FRMD6: variants seen among roughly 807,000 people sequenced by gnomAD.
FRMD6 encodes the protein FERM domain-containing protein 6.
Under a neutral mutation model 73.2 loss-of-function variants are expected in FRMD6, and 37 were observed. That is an observed-to-expected ratio of 0.51 (90% CI 0.39 to 0.66). FRMD6 has a LOEUF of 0.66. FRMD6 is among the 30% of genes least tolerant of loss of function. The pLI, the probability that FRMD6 is intolerant of heterozygous loss-of-function variation, is 0.00. For missense variants in FRMD6, 714 were observed against 780.5 expected, an observed-to-expected ratio of 0.91 and a Z score of 1.02; for synonymous variants, 273 against 282.2, an observed-to-expected ratio of 0.97 and a Z score of 0.33.
intron 1 of FRMD6, among the ~76,000 whole-genome samples, chr14:51,508,140 G>A (rs1399967245): frequency 6.6e-6 from 1 of 152,140 alleles, no homozygotes; most frequent in South Asian, 2.1e-4. Flanking sequence ...CGGGCAATGA[G>A]CACCCCCCAG....
the FRMD6 span, among the ~76,000 whole-genome samples, chr14:51,434,248 T>C: frequency 6.6e-6 from 1 of 152,170 alleles, no homozygotes; most frequent in East Asian, 1.9e-4. Context: ...ATATTTTCTA[T>C]ACCTCATGAC....
In FRMD6 at chr14:51,665,701, C is replaced by T. The variant is rs185051980; in HGVS notation, c.-147+13705C>T. 9.1e-4 allele frequency among the ~76,000 whole-genome samples: 139 copies of T among 152,324 alleles called. No individual in the cohort carries two copies. In the Middle Eastern group the frequency reaches 0.017, roughly 19 times the overall value. ...TTTGGCTGCGTCCCCACCCAAATCT[C>T]ATCTTGAATTTAACTCCAAGAATTC... On this transcript the variant is annotated intron_variant, in intron 1 of 13. Coordinates refer to ENST00000344768, the MANE Select transcript of FRMD6 (RefSeq NM_001267046.2).
intron 1 of FRMD6, among the ~76,000 whole-genome samples, chr14:51,524,938 G>A (rs77364593): frequency 0.036 from 5,252 of 144,650 alleles, 125 homozygotes; most frequent in Admixed American, 0.086. Flanking sequence ...ATTTAACTTT[G>A]TGCAGAAAGA....
chr14:51,685,484 C>T (rs1464216739), intron 1 of FRMD6, among the ~76,000 whole-genome samples: 1 of 152,124 alleles, frequency 6.6e-6, no homozygotes, highest in Non-Finnish European at 1.5e-5. Flanking sequence ...TCAGCACATA[C>T]AGCAACATTT....
intron 1 of FRMD6, among the ~76,000 whole-genome samples, chr14:51,490,122 A>C (rs1596485582): frequency 6.6e-6 from 1 of 152,238 alleles, no homozygotes; most frequent in Admixed American, 6.5e-5. Flanking sequence ...CCAGATCCCA[A>C]GTGTTGTAAA....
chr14:51,437,691 G>A, the FRMD6 span, among the ~76,000 whole-genome samples: 1 of 151,828 alleles, frequency 6.6e-6, no homozygotes, highest in African/African-American at 2.4e-5. Flanking sequence ...GTGCTCAGTC[G>A]CCCTGTTCTT....
intron 2 of FRMD6, chr14:51,599,928 G>C (rs1238964215): frequency 6.7e-6 from 1 of 149,310 alleles, no homozygotes; most frequent in Non-Finnish European, 1.5e-5. Context: ...TCTGGACGGG[G>C]AGCCAGGAGT....
At chr14:51,517,614 T>C (rs566915073) in intron 1 of FRMD6, among the ~76,000 whole-genome samples, 2 of 152,038 alleles carry the variant, frequency 1.3e-5, no homozygotes, top group African/African-American at 4.8e-5. Flanking sequence ...AAAACATCAG[T>C]TTTCCTTCCT....
At chr14:51,716,657 A>G (rs1042479106) in intron 10 of FRMD6, among the ~76,000 whole-genome samples, 5 of 152,242 alleles carry the variant, frequency 3.3e-5, no homozygotes, top group Non-Finnish European at 7.3e-5. Flanking sequence ...TAGAACATGA[A>G]TCATTCCTCA....
intron 2 of FRMD6, among the ~76,000 whole-genome samples, chr14:51,625,529 C>G (rs537939924): frequency 1.3e-5 from 2 of 152,080 alleles, no homozygotes; most frequent in South Asian, 4.2e-4. Flanking sequence ...GAAGCAGTAC[C>G]TGGATAACTT....
chr14:51,637,465 G>GCACACACACACACA (rs113564495), intron 2 of FRMD6: 10 of 132,664 alleles, frequency 7.5e-5, no homozygotes, highest in African/African-American at 1.1e-4. Context: ...ATACACACAG[G>GCACACACACACACA]CACACACACA....
chr14:51,444,819 T>C, the FRMD6 span, among the ~76,000 whole-genome samples: 1 of 152,162 alleles, frequency 6.6e-6, no homozygotes, highest in Non-Finnish European at 1.5e-5. Context: ...TGAGAGCTCC[T>C]TGTTGTCGAT....
chr14:51,724,127 C>G (rs1429828357), intron 12 of FRMD6: 2 of 151,814 alleles, frequency 1.3e-5, no homozygotes, highest in Non-Finnish European at 2.9e-5. Context: ...AGCACATACA[C>G]TAAAGTTGCA....
At chr14:51,497,708 A>G (rs1392194012) in intron 1 of FRMD6, among the ~76,000 whole-genome samples, 2 of 152,222 alleles carry the variant, frequency 1.3e-5, no homozygotes, top group African/African-American at 2.4e-5. Context: ...TTTCCATACT[A>G]CATGTTTGAA....
chr14:51,560,564 A>T (rs1887424509), intron 1 of FRMD6, among the ~76,000 whole-genome samples: 1 of 152,188 alleles, frequency 6.6e-6, no homozygotes, highest in East Asian at 1.9e-4. Context: ...AGTTCACTGC[A>T]ATCTCTGCCT....
chr14:51,442,423 T>C, the FRMD6 span, among the ~76,000 whole-genome samples: 1 of 152,162 alleles, frequency 6.6e-6, no homozygotes, highest in Non-Finnish European at 1.5e-5. Context: ...ATGAATAATT[T>C]TAGTAATTGC....
chr14:51,705,428 G>A (rs1896569278), intron 6 of FRMD6, among the ~76,000 whole-genome samples: 1 of 152,008 alleles, frequency 6.6e-6, no homozygotes, highest in East Asian at 1.9e-4. Context: ...TGTCTCAGCT[G>A]CGCTTTCTCC....
intron 6 of FRMD6, among the ~76,000 whole-genome samples, chr14:51,707,796 C>T (rs1896711374): frequency 6.6e-6 from 1 of 152,066 alleles, no homozygotes; most frequent in Admixed American, 6.6e-5. Context: ...TAGTGTTTTT[C>T]TCTTGGTGAC....
chr14:51,604,236 G>A (rs1277335182), intron 2 of FRMD6, among the ~76,000 whole-genome samples: 1 of 152,178 alleles, frequency 6.6e-6, no homozygotes, highest in African/African-American at 2.4e-5. Context: ...TAGTTCCACA[G>A]TTTTGAGCAC....
Sources: allele counts gnomAD v4.1 joint callset (sites outside exome capture counted in the v4.1 genomes callset), GRCh38; gene constraint gnomAD v4.1.1; transcripts MANE v1.5; gene names NCBI Gene and HGNC (gene_info 2026-07-23, HGNC 2026-07-21).